Variants in SMG6 observed in about 807,000 individuals in gnomAD.
The protein encoded by SMG6 is telomerase-binding protein EST1A.
Under a neutral mutation model 142.2 loss-of-function variants are expected in SMG6, and 66 were observed. The observed-to-expected ratio is 0.46, with a 90% confidence interval of 0.38 to 0.57. The LOEUF (loss-of-function observed/expected upper bound fraction) is 0.57. Among genes scored for constraint, SMG6 ranks in the 20% least tolerant of loss-of-function variants. The pLI, the probability that SMG6 is intolerant of heterozygous loss-of-function variation, is 0.00. For missense variants in SMG6, 1,793 were observed against 1,832.0 expected, an observed-to-expected ratio of 0.98 and a Z score of 0.39; for synonymous variants, 779 against 702.4, an observed-to-expected ratio of 1.11 and a Z score of -1.72.
chr17:2,157,629 T>C (rs73979414), intron 13 of SMG6, among the ~76,000 whole-genome samples: 3,161 of 152,254 alleles, frequency 0.021, 97 homozygotes, highest in African/African-American at 0.071. Flanking sequence ...CCAAAACCAA[T>C]CCTGTCTAGC....
chr17:2,188,254 C>T, intron 11 of SMG6, 145 bp downstream of exon 11: 1 of 677,948 alleles, frequency 1.5e-6, no homozygotes, highest in East Asian at 2.6e-5. Flanking sequence ...ACTAGTTAGG[C>T]AGGCAAAAGG....
At position 2,297,882 on chromosome 17, in the gene SMG6, AGTCT is replaced by A; in HGVS notation, c.2017_2020del (p.Arg673PhefsTer45). 1 of 1,611,444 alleles carries A rather than the reference AGTCT, an allele frequency of 6.2e-7. No homozygotes were observed. Among genetic ancestry groups the A allele is most frequent in the Non-Finnish European group, 8.5e-7 (1 of 1,179,990 alleles). On this transcript the variant is annotated frameshift_variant, in exon 3 of 19. Coordinates refer to ENST00000263073, the MANE Select transcript of SMG6 (RefSeq NM_017575.5). LOFTEE classifies it high-confidence loss of function. Reference sequence around the variant, plus strand: ...GTTTACCTCATCCAAGAGCTCCAAAAGTCTGTTCCGAATCTGTTCTGGGTTCTCA... The same window carrying A: ...GTTTACCTCATCCAAGAGCTCCAAAAGTTCCGAATCTGTTCTGGGTTCTCA...
rs147595018 is a variant in SMG6 at position 2,153,903 on chromosome 17, G to A, written c.3357+18755C>T. On this transcript the variant is annotated intron_variant, in intron 13 of 18. Coordinates refer to ENST00000263073, the MANE Select transcript of SMG6 (RefSeq NM_017575.5). ...GTGACGGGGGAACCTGGGGAGGCAC[G>A]TAGAGTGTGACGGTGACGGGGGAAC... is the stretch of plus-strand genomic sequence containing the variant. Among the ~76,000 whole-genome samples, 468 of 138,452 alleles carry A rather than the reference G, an allele frequency of 3.4e-3. 5 individuals carry two copies. The highest frequency in any genetic ancestry group is 5.2e-3 in the Non-Finnish European group (336 of 64,958). 90.8% of individuals were successfully genotyped at this position (138,452 alleles called of 152,430 possible). A position where few individuals can be genotyped will look rare whatever the true frequency, so the allele number is the denominator to read the frequency against.
At chr17:2,289,302 T>A (rs1161418834) in intron 6 of SMG6, among the ~76,000 whole-genome samples, 1 of 151,908 alleles carries the variant, frequency 6.6e-6, no homozygotes, top group Non-Finnish European at 1.5e-5. Flanking sequence ...ATGCCTGTAA[T>A]CTCAGCAGTT....
chr17:2,119,827 A>G (rs1195774186), intron 13 of SMG6, among the ~76,000 whole-genome samples: 1 of 152,072 alleles, frequency 6.6e-6, no homozygotes, highest in Non-Finnish European at 1.5e-5. Context: ...ATGCCTGGCT[A>G]ATTTTTTTGT....
chr17:2,248,972 C>T (rs538275167), intron 8 of SMG6, among the ~76,000 whole-genome samples: 8 of 151,494 alleles, frequency 5.3e-5, no homozygotes, highest in East Asian at 3.9e-4. Flanking sequence ...CTGCAAGCTC[C>T]GCCTCCCGGG....
At chr17:2,285,876 G>T (rs2074893864) in intron 6 of SMG6, among the ~76,000 whole-genome samples, 1 of 151,642 alleles carries the variant, frequency 6.6e-6, no homozygotes, top group African/African-American at 2.4e-5. Context: ...GTTTCACCAA[G>T]TTAGCCAGGC....
At chr17:2,284,139 T>C (rs2074852572) in intron 6 of SMG6, among the ~76,000 whole-genome samples, 2 of 152,180 alleles carry the variant, frequency 1.3e-5, no homozygotes, top group Admixed American at 1.3e-4. Flanking sequence ...TTGGTCCAAA[T>C]ACTGGCTAAT....
chr17:2,123,440 C>A (rs954757708), intron 13 of SMG6, among the ~76,000 whole-genome samples: 2 of 152,190 alleles, frequency 1.3e-5, no homozygotes, highest in African/African-American at 4.8e-5. Flanking sequence ...AGTGTGTTAA[C>A]GGCACAGAAA....
In SMG6 at chr17:2,110,971, C is replaced by T. The variant is rs558970995; in HGVS notation, c.3358-25070G>A. Among the ~76,000 whole-genome samples the T allele has an allele frequency of 2.6e-5, 4 of 152,324 alleles. No individual in the cohort carries two copies. In the South Asian group the frequency reaches 8.3e-4, roughly 32 times the overall value. On this transcript the variant is annotated intron_variant, in intron 13 of 18. Transcript: ENST00000263073. ...AGCTGCCTGGTACATCTGAAGGCCG[C>T]TACGCCCACCTTCAGTGCCAGTTTC...
chr17:2,287,516 C>T (rs749943627), intron 6 of SMG6, among the ~76,000 whole-genome samples: 1 of 151,966 alleles, frequency 6.6e-6, no homozygotes, highest in Non-Finnish European at 1.5e-5. Flanking sequence ...ATCAGAATTA[C>T]CAAATGATCT....
In SMG6 at chr17:2,081,879, C is replaced by T. The variant is rs1305644005; in HGVS notation, c.3612G>A (p.Glu1204=). Residue 1204 remains glutamate, a synonymous_variant, in exon 15 of 19, where the codon GAG becomes GAA. Transcript: ENST00000263073. The part of the protein sequence containing the change: ...EGSGGEDDIR[E]LRAKKLALAR... The stretch of plus-strand genomic sequence containing the variant: ...CCAGAGCCAGCTTCTTGGCCCGAAG[C>T]TCCCTGATGTCATCCTCGCCTCCGC... 3.7e-6 allele frequency: 6 copies of T among 1,614,176 alleles called. No homozygotes were observed. Among genetic ancestry groups the T allele is most frequent in the Non-Finnish European group, 5.1e-6 (6 of 1,180,034 alleles).
intron 13 of SMG6, among the ~76,000 whole-genome samples, chr17:2,161,866 CAT>C (rs1473956141): frequency 6.6e-6 from 1 of 152,184 alleles, no homozygotes; most frequent in Admixed American, 6.6e-5. Context: ...CTATTCCACT[CAT>C]ATGAACCTTT....
intron 13 of SMG6, among the ~76,000 whole-genome samples, chr17:2,169,395 C>T (rs929143282): frequency 6.6e-6 from 1 of 152,000 alleles, no homozygotes; most frequent in Non-Finnish European, 1.5e-5. Context: ...AAGTACCTAG[C>T]TCAGGGACTG....
Position 2,300,451 on chromosome 17 carries a change from A to T in SMG6, c.302T>A (p.Leu101Gln). 6.2e-7 allele frequency: 1 copy of T among 1,614,162 alleles called. No individual in the cohort carries two copies. The highest frequency in any genetic ancestry group is 1.1e-5 in the South Asian group (1 of 91,080). Residue 101 changes from leucine to glutamine, a missense_variant, in exon 2 of 19, where the codon CTG becomes CAG. Transcript: ENST00000263073. ...TQPVKDVCKE[L>Q]NNQEQNGPID... ...AGGACCATTCTGCTCTTGGTTGTTC[A>T]GTTCCTTGCAGACATCTTTAACGGG... is the stretch of plus-strand genomic sequence containing the variant.
intron 12 of SMG6, 26 bp downstream of exon 12, chr17:2,186,637 C>T (rs1447420470): frequency 1.9e-6 from 3 of 1,613,110 alleles, no homozygotes; most frequent in South Asian, 2.2e-5. Flanking sequence ...GCCAGTGGTG[C>T]TGAAGCAATG....
chr17:2,297,734 G>C, intron 3 of SMG6, 129 bp downstream of exon 3: 1 of 984,960 alleles, frequency 1.0e-6, no homozygotes, highest in East Asian at 2.6e-5. Context: ...GGAAGGCTCA[G>C]AACCCAAGAA....
intron 13 of SMG6, among the ~76,000 whole-genome samples, chr17:2,113,722 G>A (rs990182068): frequency 2.0e-5 from 3 of 152,198 alleles, no homozygotes; most frequent in African/African-American, 4.8e-5. Flanking sequence ...GGACCTTTGG[G>A]GTATGGTCCC....
intron 13 of SMG6, among the ~76,000 whole-genome samples, chr17:2,168,407 T>C (rs553366451): frequency 6.6e-6 from 1 of 152,208 alleles, no homozygotes; most frequent in Admixed American, 6.5e-5. Context: ...GGTCTCGAAC[T>C]CCTAGCCTCA....
Sources: allele counts gnomAD v4.1 joint callset (sites outside exome capture counted in the v4.1 genomes callset), GRCh38; gene constraint gnomAD v4.1.1; transcripts MANE v1.5; gene names NCBI Gene and HGNC (gene_info 2026-07-23, HGNC 2026-07-21).